The following UTRN variants were observed in gnomAD, a reference collection of about 807,000 sequenced individuals.
UTRN encodes the protein utrophin.
A neutral mutation model predicts 463.9 loss-of-function variants in UTRN; 283 were observed. That is an observed-to-expected ratio of 0.61 (90% CI 0.55 to 0.67). The LOEUF (loss-of-function observed/expected upper bound fraction) is 0.67. UTRN is among the 30% of genes least tolerant of loss of function. The probability of loss-of-function intolerance (pLI) is 0.00; values close to 1 mark genes in which losing one functional copy is unlikely to be tolerated. For missense variants in UTRN, 3,922 were observed against 4,084.3 expected, an observed-to-expected ratio of 0.96 and a Z score of 1.08; for synonymous variants, 1,442 against 1,431.5, an observed-to-expected ratio of 1.01 and a Z score of -0.17.
At chr6:144,752,547 C>T (rs974054022) in intron 56 of UTRN, among the ~76,000 whole-genome samples, 1 of 151,926 alleles carries the variant, frequency 6.6e-6, no homozygotes, top group African/African-American at 2.4e-5. Flanking sequence ...TGAATTAATT[C>T]AAATATCAAA....
intron 51 of UTRN, among the ~76,000 whole-genome samples, chr6:144,659,101 G>A (rs769479117): frequency 1.1e-4 from 16 of 152,078 alleles, no homozygotes; most frequent in African/African-American, 3.6e-4. Context: ...ATTAATCAAC[G>A]CGTATTTCCT....
chr6:144,818,069 G>A (rs1779238124), intron 65 of UTRN, among the ~76,000 whole-genome samples: 1 of 152,058 alleles, frequency 6.6e-6, no homozygotes, highest in Non-Finnish European at 1.5e-5. Flanking sequence ...AATTGAACTG[G>A]CACTTTTGAA....
chr6:144,399,514 A>G (rs1782747926), intron 2 of UTRN, among the ~76,000 whole-genome samples: 1 of 152,174 alleles, frequency 6.6e-6, no homozygotes. Context: ...ATCCAATAAG[A>G]GATTTCTTTC....
At position 144,581,860 on chromosome 6, in the gene UTRN, A is replaced by G. The variant is rs766231361; in HGVS notation, c.7479+4572A>G. 5.9e-5 allele frequency among the ~76,000 whole-genome samples: 9 copies of G among 152,242 alleles called. No individual in the cohort carries two copies. In the South Asian group the frequency reaches 1.0e-3, roughly 18 times the overall value. The stretch of plus-strand genomic sequence containing the variant: ...AGCAATTTCCCATTCCTCCCCGCCA[A>G]TTCCCTCCCCTCTGAACAATCACTA... On this transcript the variant is annotated intron_variant, in intron 51 of 74. Coordinates refer to ENST00000367545, the MANE Select transcript of UTRN (RefSeq NM_007124.3).
chr6:144,292,489 A>G (rs941268263), intron 2 of UTRN, among the ~76,000 whole-genome samples: 3 of 152,136 alleles, frequency 2.0e-5, no homozygotes, highest in African/African-American at 7.2e-5. Context: ...CCCTCCTCCA[A>G]TCTTTTTATA....
intron 1 of UTRN, among the ~76,000 whole-genome samples, chr6:144,291,100 T>A (rs981807276): frequency 9.2e-5 from 14 of 152,124 alleles, no homozygotes; most frequent in African/African-American, 2.2e-4. Context: ...AAAGGCCAAT[T>A]TGACCATGTT....
rs745647635 is a variant in UTRN, at chr6:144,435,943, G to A, written c.864G>A (p.Ala288=). 5.6e-6 allele frequency: 9 copies of A among 1,613,658 alleles called. No homozygotes were observed. The East Asian group carries it at 6.7e-5, about 12-fold the overall frequency. ...EEEAINIQST[A]PEEEHESPRA... ...TGGCTTTGTTTTTACAGAGTACAGC[G>A]CCTGAGGAGGAGCATGAGAGTCCCC... The change falls in exon 10 of 75, where the codon GCG becomes GCA. Residue 288 remains alanine, a synonymous_variant. Transcript: ENST00000367545.
intron 10 of UTRN, 111 bp from the exon 11 acceptor site, chr6:144,437,454 T>A (rs984072402): frequency 9.1e-7 from 1 of 1,098,706 alleles, no homozygotes; most frequent in African/African-American, 1.6e-5. Flanking sequence ...TCTACTAGGC[T>A]ACCTTTTTCT....
At chr6:144,777,774 T>G (rs1361802827) in intron 60 of UTRN, among the ~76,000 whole-genome samples, 3 of 152,186 alleles carry the variant, frequency 2.0e-5, no homozygotes, top group Non-Finnish European at 4.4e-5. Flanking sequence ...AAAAGGCACC[T>G]GGGATTTAGG....
rs374596241 is a variant in UTRN at position 144,848,157 on chromosome 6, G to T, written c.10293+1330G>T. Among the ~76,000 whole-genome samples the T allele has an allele frequency of 6.1e-4, 93 of 152,230 alleles. No individual in the cohort carries two copies. In the South Asian group the frequency reaches 0.019, roughly 31 times the overall value. ...AGCAGGGAGTGAGGTTGGGGAGGAG[G>T]TGTCAGAAGTGCGAGGAGAGACTGG... On this transcript the variant is annotated intron_variant, in intron 74 of 74. Coordinates refer to ENST00000367545, the MANE Select transcript of UTRN (RefSeq NM_007124.3).
At chr6:144,452,085 A>T (rs1469959243) in intron 18 of UTRN, among the ~76,000 whole-genome samples, 6 of 152,198 alleles carry the variant, frequency 3.9e-5, no homozygotes, top group Non-Finnish European at 7.3e-5. Context: ...GAGAATCTAT[A>T]GTCTAGTCTC....
In UTRN at chr6:144,513,905, G is replaced by A. The variant is rs765031727; in HGVS notation, c.4945-4G>A. 2 of 1,612,272 alleles carry A rather than the reference G, an allele frequency of 1.2e-6. No homozygotes were observed. Among genetic ancestry groups the A allele is most frequent in the African/African-American group, 2.7e-5 (2 of 74,744 alleles). ...ATGTAAGCATTTTATTAATTCCTTTGTAGAACCATCAGAACCAGCTAGAAA... is the reference window on the plus strand; with the variant it reads ...ATGTAAGCATTTTATTAATTCCTTTATAGAACCATCAGAACCAGCTAGAAA... On this transcript the variant is annotated splice_region_variant and splice_polypyrimidine_tract_variant and intron_variant, in intron 35 of 74. Coordinates refer to ENST00000367545, the MANE Select transcript of UTRN (RefSeq NM_007124.3).
At position 144,459,148 on chromosome 6, in the gene UTRN, G is replaced by A. The variant is rs1457714679; in HGVS notation, c.2527-26G>A. ...TGAGGATGTTCATCTTCAGTGAGTT[G>A]TGTGACCGTATTTTCTCTTCCTTAG... is the stretch of plus-strand genomic sequence containing the variant. On this transcript the variant is annotated intron_variant, in intron 20 of 74. Coordinates refer to ENST00000367545, the MANE Select transcript of UTRN (RefSeq NM_007124.3). 4 of 1,600,694 alleles carry A rather than the reference G, an allele frequency of 2.5e-6. No homozygotes were observed. The South Asian group carries it at 4.5e-5, about 18-fold the overall frequency.
chr6:144,568,746 G>T (rs1800661455), intron 50 of UTRN, among the ~76,000 whole-genome samples: 1 of 152,154 alleles, frequency 6.6e-6, no homozygotes, highest in Admixed American at 6.6e-5. Flanking sequence ...TGTGATTCCT[G>T]TGATGGATTA....
At chr6:144,437,992 C>T (rs138976789) in intron 11 of UTRN, among the ~76,000 whole-genome samples, 78 of 152,302 alleles carry the variant, frequency 5.1e-4, no homozygotes, top group African/African-American at 1.8e-3. Context: ...AGAGGATAGG[C>T]ATGGTGGCTC....
intron 2 of UTRN, among the ~76,000 whole-genome samples, chr6:144,299,548 C>T (rs1277573790): frequency 6.6e-6 from 1 of 150,900 alleles, no homozygotes. Context: ...TTATTTTGGC[C>T]CATTGAACCA....
At chr6:144,621,873 C>A (rs952655497) in intron 51 of UTRN, among the ~76,000 whole-genome samples, 1 of 151,978 alleles carries the variant, frequency 6.6e-6, no homozygotes, top group African/African-American at 2.4e-5. Flanking sequence ...TCTTTTTTCT[C>A]CTTTGCCTCC....
At chr6:144,704,751 C>G (rs1004412211) in intron 53 of UTRN, among the ~76,000 whole-genome samples, 1 of 152,048 alleles carries the variant, frequency 6.6e-6, no homozygotes, top group Admixed American at 6.6e-5. Context: ...ATCATGAGGT[C>G]AAGAGATCAA....
Position 144,700,070 on chromosome 6 carries a change from T to C in UTRN, c.7653-17T>C, listed in dbSNP as rs772529734. 6.4e-7 allele frequency: 1 copy of C among 1,563,874 alleles called. No individual in the cohort carries two copies. The highest frequency in any genetic ancestry group is 1.2e-5 in the South Asian group (1 of 81,270). On this transcript the variant is annotated splice_polypyrimidine_tract_variant and intron_variant, in intron 52 of 74. Coordinates refer to ENST00000367545, the MANE Select transcript of UTRN (RefSeq NM_007124.3). ...TTTCTAAATGTGGTTATTATTATTA[T>C]TATTATCTCTCAACAGGGCCCATTT...
Sources: allele counts gnomAD v4.1 joint callset (sites outside exome capture counted in the v4.1 genomes callset), GRCh38; gene constraint gnomAD v4.1.1; transcripts MANE v1.5; gene names NCBI Gene and HGNC (gene_info 2026-07-23, HGNC 2026-07-21).